SYNJ2: variants seen among roughly 807,000 people sequenced by gnomAD.
SYNJ2 encodes the protein synaptojanin 2, also known as polyphosphatidylinositol phosphatase SYNJ2.
In SYNJ2, 116 loss-of-function variants were observed where a neutral mutation model predicts 141.3. That is an observed-to-expected ratio of 0.82 (90% confidence interval 0.71 to 0.96). The LOEUF (loss-of-function observed/expected upper bound fraction) is 0.96. Ranked by LOEUF, SYNJ2 falls within the 40% of genes least tolerant of loss-of-function variation. The pLI is 0.00. For synonymous variants in SYNJ2, 745 were observed against 777.7 expected, an observed-to-expected ratio of 0.96 and a Z score of 0.70; for missense variants, 1,873 against 1,934.8, an observed-to-expected ratio of 0.97 and a Z score of 0.60.
Position 158,078,185 on chromosome 6 carries a change from A to G in SYNJ2, c.2471A>G (p.Asp824Gly), listed in dbSNP as rs746340452. The G allele has an allele frequency of 6.8e-5, 109 of 1,613,500 alleles. No individual in the cohort carries two copies. The Admixed American group carries it at 1.4e-3, about 21-fold the overall frequency. The change falls in exon 18 of 27, where the codon GAC becomes GGC. Residue 824 changes from aspartate to glycine, a missense_variant. Asp to Gly is a moderately conservative substitution (Grantham distance 94). Coordinates refer to ENST00000355585, the MANE Select transcript of SYNJ2 (RefSeq NM_003898.4). ...GTAGCTGGAGAACTCAACCTTCTAGACAGTGATCTAGATGTTGACACCAAA... is the reference window on the plus strand; with the variant it reads ...GTAGCTGGAGAACTCAACCTTCTAGGCAGTGATCTAGATGTTGACACCAAA... The part of the protein sequence containing the change: ...DKTAGELNLL[D>G]SDLDVDTKVR...
chr6:158,067,904 T>C, intron 12 of SYNJ2: 1 of 985,308 alleles, frequency 1.0e-6, no homozygotes, highest in Non-Finnish European at 1.2e-6. Flanking sequence ...AGCACAGCCG[T>C]GGCTCAAGAG....
chr6:158,083,910 T>G (rs1782867449), intron 21 of SYNJ2, 91 bp from the exon 22 acceptor site: 1 of 1,460,294 alleles, frequency 6.8e-7, no homozygotes, highest in African/African-American at 1.4e-5. Flanking sequence ...GCACGTGTCC[T>G]GACAGGAGCT....
chr6:158,000,482 C>G (rs1264680154), intron 1 of SYNJ2, among the ~76,000 whole-genome samples: 1 of 152,160 alleles, frequency 6.6e-6, no homozygotes, highest in Non-Finnish European at 1.5e-5. Context: ...CATAGCCCCT[C>G]TAACCCAGGT....
At chr6:158,092,119 A>AG (rs1030373514) in intron 25 of SYNJ2, among the ~76,000 whole-genome samples, 6 of 151,974 alleles carry the variant, frequency 3.9e-5, no homozygotes, top group African/African-American at 1.4e-4. Context: ...GTTAAAAAAA[A>AG]AAAAACTCTA....
intron 1 of SYNJ2, among the ~76,000 whole-genome samples, chr6:157,986,984 G>A (rs1324993347): frequency 6.7e-6 from 1 of 149,444 alleles, no homozygotes; most frequent in Non-Finnish European, 1.5e-5. Flanking sequence ...ATTGTAAATT[G>A]ACAAATTATT....
chr6:158,060,838 A>T (rs1409172770), intron 7 of SYNJ2, among the ~76,000 whole-genome samples: 1 of 152,214 alleles, frequency 6.6e-6, no homozygotes, highest in African/African-American at 2.4e-5. Flanking sequence ...CAGCCACCTC[A>T]TGCGGAGAAG....
At chr6:158,089,642 A>T (rs1479643725) in intron 24 of SYNJ2, among the ~76,000 whole-genome samples, 197 bp from the exon 25 acceptor site, 2 of 152,164 alleles carry the variant, frequency 1.3e-5, no homozygotes, top group Non-Finnish European at 2.9e-5. Context: ...CAGGGTCATC[A>T]GGTCTAAGTA....
intron 22 of SYNJ2, among the ~76,000 whole-genome samples, chr6:158,085,716 C>G (rs1782988762): frequency 6.6e-6 from 1 of 152,202 alleles, no homozygotes; most frequent in Admixed American, 6.5e-5. Context: ...CCAGAGAGAT[C>G]TGGATTTGGT....
chr6:157,990,269 T>C (rs1232669644), intron 1 of SYNJ2, among the ~76,000 whole-genome samples: 1 of 152,188 alleles, frequency 6.6e-6, no homozygotes, highest in South Asian at 2.1e-4. Flanking sequence ...TTTGAGGACA[T>C]GGGGCTCTCG....
intron 17 of SYNJ2, 57 bp downstream of exon 17, chr6:158,076,839 A>C: frequency 3.2e-6 from 5 of 1,547,134 alleles, no homozygotes; most frequent in Non-Finnish European, 3.5e-6. Context: ...AATGCGACGG[A>C]GGGAGAGTCA....
rs1289550686 is a variant in SYNJ2, at chr6:158,078,441, A to G, written c.2567+160A>G. The G allele has an allele frequency of 7.4e-6, 4 of 537,980 alleles. No individual in the cohort carries two copies. The Admixed American group carries it at 9.6e-5, about 13-fold the overall frequency. 33.3% of individuals were successfully genotyped at this position (537,980 alleles called of 1,614,324 possible). ...CAAAGAACAAAGAATGATGGAACAAATATCTGTGGACCCACCACCAAGAAC... is the reference window on the plus strand; with the variant it reads ...CAAAGAACAAAGAATGATGGAACAAGTATCTGTGGACCCACCACCAAGAAC... On this transcript the variant is annotated intron_variant, in intron 18 of 26. Transcript: ENST00000355585.
intron 7 of SYNJ2, among the ~76,000 whole-genome samples, 180 bp from the exon 8 acceptor site, chr6:158,061,812 G>C (rs1186118867): frequency 6.6e-6 from 1 of 152,212 alleles, no homozygotes; most frequent in Non-Finnish European, 1.5e-5. Flanking sequence ...TCCCCCCAGG[G>C]CCTTTGTCCT....
chr6:158,035,967 GAAA>G (rs71777302), intron 4 of SYNJ2, among the ~76,000 whole-genome samples: 7 of 116,800 alleles, frequency 6.0e-5, no homozygotes, highest in African/African-American at 2.0e-4. Flanking sequence ...AAATTTCCAA[GAAA>G]AAAAAAAAAA....
At chr6:157,988,167 G>C (rs943077565) in intron 1 of SYNJ2, among the ~76,000 whole-genome samples, 1 of 152,342 alleles carries the variant, frequency 6.6e-6, no homozygotes, top group South Asian at 2.1e-4. Flanking sequence ...CCCCAGGCCC[G>C]GGCGTTGGGG....
intron 1 of SYNJ2, among the ~76,000 whole-genome samples, chr6:158,005,242 T>A (rs1409722560): frequency 1.3e-5 from 2 of 152,012 alleles, no homozygotes; most frequent in African/African-American, 4.8e-5. Context: ...GACGCCCGGC[T>A]AATTTTTTGT....
Position 158,043,337 on chromosome 6 carries a change from G to C in SYNJ2, c.733G>C (p.Val245Leu). ...TEQMIYMDDG[V>L]SSFVQIRGSV... is the part of the protein sequence containing the mutation. ...GCAGATGATTTACATGGACGATGGA[G>C]TGTCATCTTTTGTCCAGATCAGAGG... The change falls in exon 5 of 27, where the codon GTG (valine) becomes CTG (leucine). Residue 245 changes from valine to leucine, a missense_variant. Transcript: ENST00000355585. This position sits in a 1 kb window ranked among gnomAD's most constrained non-coding sequence, Gnocchi z 4.0. 2 of 1,614,128 alleles carry C rather than the reference G, an allele frequency of 1.2e-6. 1 individual carries two copies.
chr6:158,069,209 C>A (rs1286015471), intron 13 of SYNJ2, among the ~76,000 whole-genome samples: 3 of 152,120 alleles, frequency 2.0e-5, no homozygotes, highest in African/African-American at 7.2e-5. Context: ...ACTGGGCGCT[C>A]CCCCCACCCC....
intron 23 of SYNJ2, 93 bp downstream of exon 23, chr6:158,087,082 C>T: frequency 6.9e-7 from 1 of 1,450,040 alleles, no homozygotes; most frequent in Non-Finnish European, 9.3e-7. Flanking sequence ...ATCCACTTCT[C>T]CCCGGCCTTC....
intron 6 of SYNJ2, among the ~76,000 whole-genome samples, chr6:158,056,283 C>T (rs1780863825): frequency 6.6e-6 from 1 of 152,184 alleles, no homozygotes; most frequent in Non-Finnish European, 1.5e-5. Flanking sequence ...GATGCACGTA[C>T]CACAGAGAAT....
Sources: gnomAD v4.1 joint callset for allele counts (sites outside exome capture counted in the v4.1 genomes callset) on GRCh38, gnomAD v4.1.1 for gene constraint, Gnocchi (gnomAD v3.1) non-coding constraint, MANE v1.5 for transcripts, NCBI Gene and HGNC (gene_info 2026-07-23, HGNC 2026-07-21) for gene names.